Variants in NECAB2 observed in about 807,000 individuals in gnomAD.
NECAB2 encodes N-terminal EF-hand calcium binding protein 2, also known as N-terminal EF-hand calcium-binding protein 2.
A neutral mutation model predicts 51.9 loss-of-function variants in NECAB2; 68 were observed. That is an observed-to-expected ratio of 1.31 (90% confidence interval 1.08 to 1.60). The LOEUF (loss-of-function observed/expected upper bound fraction) is 1.60, where lower values mean the gene tolerates loss of function less well. Among genes scored for constraint, NECAB2 ranks in the 40% most tolerant of loss-of-function variants. The probability of loss-of-function intolerance (pLI) is 0.00; values close to 1 mark genes in which losing one functional copy is unlikely to be tolerated. For synonymous variants in NECAB2, 329 were observed against 203.5 expected (o/e 1.62, Z -5.25); for missense variants, 854 against 490.3 (o/e 1.74, Z -7.00).
At position 83,968,838 on chromosome 16, in the gene NECAB2, G is replaced by A; in HGVS notation, c.190G>A (p.Val64Ile). ...GPASPRGGTA[V>I]ILDIFRRADK... ...AGCCTCGCCGCGCGGGGGCACCGCC[G>A]TCATCCTGGACGTGAGTACGCGCCG... Residue 64 changes from valine to isoleucine, a missense_variant, in exon 1 of 13, where the codon GTC becomes ATC. Transcript: ENST00000305202. 2.7e-6 allele frequency: 3 copies of A among 1,115,520 alleles called. No homozygotes were observed. Among genetic ancestry groups the A allele is most frequent in the Non-Finnish European group, 3.3e-6 (3 of 914,450 alleles). 69.1% of individuals were successfully genotyped at this position (1,115,520 alleles called of 1,614,324 possible). A position where few individuals can be genotyped will look rare whatever the true frequency, so the allele number is the denominator to read the frequency against.
chr16:83,978,858 T>C (rs185108796), intron 3 of NECAB2, among the ~76,000 whole-genome samples: 147 of 152,220 alleles, frequency 9.7e-4, no homozygotes, highest in African/African-American at 3.4e-3. Flanking sequence ...TTCATCCTTC[T>C]GCCATCTTCA....
chr16:83,972,124 G>C (rs1461039861), intron 1 of NECAB2, 27 bp from the exon 2 acceptor site: 3 of 1,612,916 alleles, frequency 1.9e-6, no homozygotes, highest in Non-Finnish European at 1.7e-6. Flanking sequence ...CCTGGCCCAG[G>C]GCTGACTCCG....
intron 10 of NECAB2, among the ~76,000 whole-genome samples, chr16:83,999,032 A>C (rs2084767783): frequency 1.3e-5 from 2 of 152,050 alleles, no homozygotes; most frequent in Non-Finnish European, 2.9e-5. Context: ...GCTTTCTTCC[A>C]TCCCCAGAGC....
chr16:83,993,835 C>G (rs889119100), intron 6 of NECAB2, among the ~76,000 whole-genome samples: 4 of 152,096 alleles, frequency 2.6e-5, no homozygotes, highest in African/African-American at 9.7e-5. Flanking sequence ...CTCTTTAGGT[C>G]TCGCTTTTAT....
chr16:83,997,386 G>A, intron 9 of NECAB2, 117 bp downstream of exon 9: 5 of 1,338,846 alleles, frequency 3.7e-6, no homozygotes, highest in Middle Eastern at 1.8e-4. Context: ...CCACCAGGAG[G>A]GGAGATGTCG....
At chr16:83,990,781 T>C (rs1307753068) in intron 6 of NECAB2, 151 bp downstream of exon 6, 9 of 971,138 alleles carry the variant, frequency 9.3e-6, no homozygotes, top group Non-Finnish European at 1.3e-5. Context: ...TGCTCCATTA[T>C]GTAATATAGG....
At chr16:84,000,641 G>A (rs1296206044) in intron 10 of NECAB2, 83 bp from the exon 11 acceptor site, 1 of 1,175,144 alleles carries the variant, frequency 8.5e-7, no homozygotes, top group African/African-American at 1.5e-5. Context: ...ATAGTGGTGG[G>A]TCTCAGGCCA....
At chr16:83,965,482 C>G (rs141076493), upstream of NECAB2, 1 of 1,608,126 alleles carries the variant, frequency 6.2e-7, no homozygotes, top group Non-Finnish European at 8.5e-7. Flanking sequence ...CGGTCCTCTA[C>G]GCCCGCCACT....
At position 83,990,588 on chromosome 16, in the gene NECAB2, A is replaced by G; in HGVS notation, c.554A>G (p.Glu185Gly). 2 of 1,614,092 alleles carry G rather than the reference A, an allele frequency of 1.2e-6. No homozygotes were observed. The highest frequency in any genetic ancestry group is 1.1e-5 in the South Asian group (1 of 91,080). ...NQIQSLLSSVESAVEAIEEQT... is the reference protein window; with the variant it reads ...NQIQSLLSSVGSAVEAIEEQT... The stretch of plus-strand genomic sequence containing the variant: ...ATCCAGTCGCTGCTGAGCTCAGTGG[A>G]GAGTGCGGTGGAGGCCATCGAGGAA... Residue 185 changes from glutamate to glycine, a missense_variant, in exon 6 of 13, where the codon GAG becomes GGG. Physicochemically the swap from Glu to Gly is moderately conservative, Grantham distance 98. Transcript: ENST00000305202.
chr16:83,997,362 C>T (rs141718703), intron 9 of NECAB2, 93 bp downstream of exon 9: 11 of 1,516,554 alleles, frequency 7.3e-6, no homozygotes, highest in Admixed American at 1.7e-5. Flanking sequence ...TGACCCCGCT[C>T]TCCCTGCTTG....
At chr16:84,000,452 C>G (rs928310983) in intron 10 of NECAB2, among the ~76,000 whole-genome samples, 4 of 152,192 alleles carry the variant, frequency 2.6e-5, no homozygotes, top group African/African-American at 9.7e-5. Context: ...CACTGCACTC[C>G]AGCCTGGGCA....
chr16:83,998,983 C>G (rs376927705), intron 10 of NECAB2, among the ~76,000 whole-genome samples: 8 of 152,298 alleles, frequency 5.3e-5, no homozygotes, highest in South Asian at 2.1e-4. Context: ...CCCCGCCCCC[C>G]GTTTCTGCAG....
chr16:83,967,948 G>A (rs567407348), upstream of NECAB2, among the ~76,000 whole-genome samples: 2 of 150,774 alleles, frequency 1.3e-5, no homozygotes, highest in South Asian at 2.1e-4. Flanking sequence ...GTGGATGGAT[G>A]TATAGATGGA....
At chr16:83,984,450 C>T (rs111862068) in intron 5 of NECAB2, among the ~76,000 whole-genome samples, 260 of 151,120 alleles carry the variant, frequency 1.7e-3, no homozygotes, top group African/African-American at 6.0e-3. Context: ...CTGCCGCTCA[C>T]GGTGGCTCAC....
intron 12 of NECAB2, 93 bp from the exon 13 acceptor site, chr16:84,002,225 C>G: frequency 6.7e-7 from 1 of 1,481,772 alleles, no homozygotes. Flanking sequence ...GACTCAAAGC[C>G]ATCCCCCGAC....
At chr16:83,992,171 C>A (rs1280934837) in intron 6 of NECAB2, among the ~76,000 whole-genome samples, 1 of 151,550 alleles carries the variant, frequency 6.6e-6, no homozygotes, top group East Asian at 1.9e-4. Flanking sequence ...TTGAGAGTTT[C>A]TCAGGAGGAC....
chr16:83,971,458 G>C (rs2151083998), intron 1 of NECAB2: 1 of 152,426 alleles, frequency 6.6e-6, no homozygotes, highest in South Asian at 2.1e-4. Flanking sequence ...TGAGGAAAGG[G>C]GAGCAGCTCT....
chr16:83,998,406 A>AGT, intron 10 of NECAB2, 89 bp downstream of exon 10: 1 of 1,251,836 alleles, frequency 8.0e-7, no homozygotes, highest in African/African-American at 1.5e-5. Context: ...CTTTGCCCTA[A>AGT]GTAGTACAAG....
rs117888647 is a variant in NECAB2 at position 83,993,881 on chromosome 16, C to T, written c.597-421C>T. On this transcript the variant is annotated intron_variant, in intron 6 of 12. Transcript: ENST00000305202. ...TGGAGGGGGGTCTTGAAACCAGGTC[C>T]CCCACCCCAGAGGGCACCAAACATT... is the stretch of plus-strand genomic sequence containing the variant. Among the ~76,000 whole-genome samples the T allele has an allele frequency of 2.8e-3, 423 of 152,218 alleles. 3 individuals are homozygous for T. In the East Asian group the frequency reaches 0.036, roughly 13 times the overall value.
Sources: allele counts gnomAD v4.1 joint callset (sites outside exome capture counted in the v4.1 genomes callset), GRCh38; gene constraint gnomAD v4.1.1; transcripts MANE v1.5; gene names NCBI Gene and HGNC (gene_info 2026-07-23, HGNC 2026-07-21).